The following FCGRT variants were observed in gnomAD, a reference collection of about 807,000 sequenced individuals.
FCGRT encodes IgG receptor FcRn large subunit p51.
FCGRT carries 13 observed loss-of-function variants against 35.7 expected under a neutral mutation model. The ratio of observed to expected loss-of-function variants is 0.36; its 90% CI spans 0.24 to 0.58. The LOEUF is 0.58. FCGRT is among the 20% of genes least tolerant of loss of function. The probability of loss-of-function intolerance (pLI) is 0.77; values close to 1 mark genes in which losing one functional copy is unlikely to be tolerated. For missense variants in FCGRT, 455 were observed against 474.9 expected (o/e 0.96, Z 0.39); for synonymous variants, 233 against 216.5 (o/e 1.08, Z -0.67).
chr19:49,513,814 G>T (rs2079989332), intron 2 of FCGRT, 68 bp from the exon 3 acceptor site: 4 of 1,372,280 alleles, frequency 2.9e-6, no homozygotes, highest in South Asian at 1.4e-5. Flanking sequence ...CTCCCTCCCT[G>T]GGTATCTGTC....
At chr19:49,525,823 G>A in intron 6 of FCGRT, 187 bp from the exon 7 acceptor site, 1 of 665,680 alleles carries the variant, frequency 1.5e-6, no homozygotes, top group Non-Finnish European at 2.7e-6. Flanking sequence ...GACAGACCCA[G>A]AGGAGGGAGG....
chr19:49,526,169 T>A lies in FCGRT; in HGVS notation c.*50T>A. On this transcript the variant is annotated 3_prime_UTR_variant, in exon 7 of 7. Transcript: ENST00000221466. ...AGCGAATGTAGTCAGGCCCCTTTCA[T>A]GCTGTGAGACCTCCTGGAACACTGG... 1 of 1,220,386 alleles carries A rather than the reference T, an allele frequency of 8.2e-7. No individual in the cohort carries two copies. The highest frequency in any genetic ancestry group is 1.2e-5 in the South Asian group (1 of 82,146). The allele number at this position is 1,220,386 out of a possible 1,614,324, so 75.6% of individuals were successfully genotyped here.
At chr19:49,517,583 GACTT>G (rs1187539847) in intron 4 of FCGRT, among the ~76,000 whole-genome samples, 2 of 152,038 alleles carry the variant, frequency 1.3e-5, no homozygotes, top group Non-Finnish European at 2.9e-5. Flanking sequence ...CCATCACTGA[GACTT>G]AATAATTATC....
Position 49,513,361 on chromosome 19 carries a change from GAGTCACGTGCCCCCTCCCGCCCCA to G in FCGRT, c.-14-25_-14-2del. ...GAAGGGGCGGGCCGGGGGTCGGGAG[GAGTCACGTGCCCCCTCCCGCCCCA>G]GGTCGTCCTCTCAGCATGGGGGTCC... On this transcript the variant is annotated splice_acceptor_variant and splice_polypyrimidine_tract_variant and intron_variant, in intron 1 of 6. Coordinates refer to ENST00000221466, the MANE Select transcript of FCGRT (RefSeq NM_001136019.3). LOFTEE classifies it low-confidence loss of function (5UTR_SPLICE). 9.6e-7 allele frequency: 1 copy of G among 1,036,376 alleles called. No homozygotes were observed. The allele number at this position is 1,036,376 out of a possible 1,614,324, so 64.2% of individuals were successfully genotyped here. A position where few individuals can be genotyped will look rare whatever the true frequency, so the allele number is the denominator to read the frequency against.
At chr19:49,519,444 T>C (rs981149078) in intron 4 of FCGRT, among the ~76,000 whole-genome samples, 3 of 152,162 alleles carry the variant, frequency 2.0e-5, no homozygotes, top group African/African-American at 4.8e-5. Flanking sequence ...TGATCTTGAG[T>C]GTCTTTTGAT....
chr19:49,514,264 T>G lies in FCGRT; in HGVS notation c.379T>G (p.Ser127Ala), dbSNP rs1396854985. 6.2e-7 allele frequency: 1 copy of G among 1,610,642 alleles called. No homozygotes were observed. Among genetic ancestry groups the G allele is most frequent in the Admixed American group, 1.7e-5 (1 of 59,220 alleles). Residue 127 changes from serine (S) to alanine (A), a missense_variant, in exon 4 of 7, where the codon TCG becomes GCG. Around this residue, in one of 3 missense-constraint regions of FCGRT, gnomAD observed 136 missense variants for 158.9 expected, o/e 0.86. Transcript: ENST00000221466. Reference sequence around the variant, plus strand: ...CTGTGAACTGGGCCCTGACAACACCTCGGTGCCCACCGCCAAGTTCGCCCT... The same window carrying G: ...CTGTGAACTGGGCCCTGACAACACCGCGGTGCCCACCGCCAAGTTCGCCCT... The part of the protein sequence containing the change: ...LGCELGPDNT[S>A]VPTAKFALNG...
At chr19:49,520,156 C>T (rs1202461810) in intron 4 of FCGRT, among the ~76,000 whole-genome samples, 8 of 89,314 alleles carry the variant, frequency 9.0e-5, no homozygotes, top group Non-Finnish European at 1.5e-4. Flanking sequence ...TTTGAGAGGG[C>T]GTCTCCCTCT....
intron 2 of FCGRT, 22 bp from the exon 3 acceptor site, chr19:49,513,860 T>TA (rs1204742836): frequency 1.3e-6 from 2 of 1,563,194 alleles, no homozygotes. Context: ...TGTGCTCCCT[T>TA]CAGCTCTGTT....
At position 49,514,220 on chromosome 19, in the gene FCGRT, C is replaced by T. The variant is rs753884697; in HGVS notation, c.335C>T (p.Thr112Ile). The T allele has an allele frequency of 1.2e-6, 2 of 1,610,666 alleles. No individual in the cohort carries two copies. Among genetic ancestry groups the T allele is most frequent in the South Asian group, 2.2e-5 (2 of 90,546 alleles). ...TGTTTGGGCGCCCCAGGTCCCTACA[C>T]TCTGCAGGGCCTGCTGGGCTGTGAA... Reference protein sequence around the residue: ...FKALGGKGPYTLQGLLGCELG... With the variant: ...FKALGGKGPYILQGLLGCELG... Residue 112 changes from threonine to isoleucine, a missense_variant, in exon 4 of 7, where the codon ACT becomes ATT. Thr to Ile is a moderately conservative substitution (Grantham distance 89). Transcript: ENST00000221466.
intron 6 of FCGRT, 36 bp downstream of exon 6, chr19:49,525,609 G>A (rs1218389966): frequency 1.4e-6 from 2 of 1,440,360 alleles, no homozygotes; most frequent in Non-Finnish European, 1.9e-6. Context: ...TCTGAGAGAG[G>A]GACAGAGACC....
chr19:49,514,575 C>T lies in FCGRT; in HGVS notation c.601+89C>T, dbSNP rs535952759. Reference sequence around the variant, plus strand: ...TTCCCCTGCCAGGACCCTCCATCAGCCTCCCACTGCAGCCCACGCTCTGCC... The same window carrying T: ...TTCCCCTGCCAGGACCCTCCATCAGTCTCCCACTGCAGCCCACGCTCTGCC... On this transcript the variant is annotated intron_variant, in intron 4 of 6. Transcript: ENST00000221466. 3.1e-5 allele frequency: 39 copies of T among 1,265,016 alleles called. No individual in the cohort carries two copies. In the African/African-American group the frequency reaches 5.4e-4, roughly 18 times the overall value. 78.4% of individuals were successfully genotyped at this position (1,265,016 alleles called of 1,614,324 possible). A position where few individuals can be genotyped will look rare whatever the true frequency, so the allele number is the denominator to read the frequency against.
chr19:49,525,123 C>T (rs2080066459), intron 5 of FCGRT: 1 of 525,690 alleles, frequency 1.9e-6, no homozygotes, highest in East Asian at 4.0e-5. Flanking sequence ...CCCGTCCTCA[C>T]CAAGACTGAC....
intron 4 of FCGRT, chr19:49,520,688 T>A (rs1160803078): frequency 6.6e-6 from 1 of 152,204 alleles, no homozygotes; most frequent in Non-Finnish European, 1.5e-5. Flanking sequence ...CCAGACAGAT[T>A]TTCTGTGCTT....
rs1002732077 is a variant in FCGRT at position 49,524,977 on chromosome 19, T to C, written c.871+201T>C. Reference sequence around the variant, plus strand: ...CCAACTGCCTTCCGTCTCCTGCTGCTTCTGGCCTCACTGAGTCTGAAGAGC... The same window carrying C: ...CCAACTGCCTTCCGTCTCCTGCTGCCTCTGGCCTCACTGAGTCTGAAGAGC... On this transcript the variant is annotated intron_variant, in intron 5 of 6. Transcript: ENST00000221466. 5.7e-6 allele frequency: 4 copies of C among 696,660 alleles called. No individual in the cohort carries two copies. In the African/African-American group the frequency reaches 7.0e-5, roughly 12 times the overall value. The allele number at this position is 696,660 out of a possible 1,614,324, so 43.2% of individuals were successfully genotyped here. A position where few individuals can be genotyped will look rare whatever the true frequency, so the allele number is the denominator to read the frequency against.
intron 5 of FCGRT, 180 bp downstream of exon 5, chr19:49,524,956 C>T (rs1488756306): frequency 1.4e-6 from 1 of 715,488 alleles, no homozygotes; most frequent in Non-Finnish European, 2.5e-6. Flanking sequence ...CCAAGGCCAA[C>T]TGCCTTCCGT....
At position 49,514,466 on chromosome 19, in the gene FCGRT, G is replaced by A. The variant is rs140957263; in HGVS notation, c.581G>A (p.Arg194His). Reference protein sequence around the residue: ...HRLREHLERGRGNLEWKEPPS... With the variant: ...HRLREHLERGHGNLEWKEPPS... ...CTGCGGGAGCACCTGGAGAGGGGCCGCGGAAACCTGGAGTGGAAGGGTGAG... is the reference window on the plus strand; with the variant it reads ...CTGCGGGAGCACCTGGAGAGGGGCCACGGAAACCTGGAGTGGAAGGGTGAG... Residue 194 changes from arginine (R) to histidine (H), a missense_variant, in exon 4 of 7, where the codon CGC (arginine) becomes CAC (histidine). Arg to His is a conservative substitution (Grantham distance 29). This residue lies in a region of FCGRT where 312 missense variants were observed against 296.1 expected (regional missense o/e 1.05). Coordinates refer to ENST00000221466, the MANE Select transcript of FCGRT (RefSeq NM_001136019.3). The A allele has an allele frequency of 7.7e-5, 120 of 1,555,038 alleles. No individual in the cohort carries two copies. The highest frequency in any genetic ancestry group is 9.9e-5 in the Non-Finnish European group (114 of 1,147,034).
intron 2 of FCGRT, 130 bp from the exon 3 acceptor site, chr19:49,513,740 CCCCCCCCCCGGG>C (rs2079988509): frequency 8.1e-6 from 1 of 122,708 alleles, no homozygotes; most frequent in African/African-American, 4.1e-5. Flanking sequence ...GTCTCTGTCC[CCCCCCCCCCGGG>C]TTTCTGTCCC....
Position 49,524,751 on chromosome 19 carries a change from G to C in FCGRT, c.846G>C (p.Leu282=). 6.2e-7 allele frequency: 1 copy of C among 1,600,996 alleles called. No homozygotes were observed. Among genetic ancestry groups the C allele is most frequent in the Non-Finnish European group, 8.5e-7 (1 of 1,179,830 alleles). ...HYCCIVQHAG[L]AQPLRVELES... ...GCTGCATTGTGCAGCACGCGGGGCT[G>C]GCGCAGCCCCTCAGGGTGGAGCTGG... Residue 282 remains leucine (L), a synonymous_variant, in exon 5 of 7, where the codon CTG becomes CTC. Coordinates refer to ENST00000221466, the MANE Select transcript of FCGRT (RefSeq NM_001136019.3).
rs2122658037 is a variant in FCGRT at position 49,513,132 on chromosome 19, C to T, written c.-14-255C>T. ...GGTCTGAGGGAGGAGGGGCTGGGGCCTGAGGGGGGCGGAAGGGGCGTGGCG... is the reference window on the plus strand; with the variant it reads ...GGTCTGAGGGAGGAGGGGCTGGGGCTTGAGGGGGGCGGAAGGGGCGTGGCG... On this transcript the variant is annotated intron_variant, in intron 1 of 6. Coordinates refer to ENST00000221466, the MANE Select transcript of FCGRT (RefSeq NM_001136019.3). The T allele has an allele frequency of 1.6e-5, 3 of 183,184 alleles. No individual in the cohort carries two copies. The South Asian group carries it at 1.2e-3, about 71-fold the overall frequency. 11.3% of individuals were successfully genotyped at this position (183,184 alleles called of 1,614,324 possible).
Sources: allele counts gnomAD v4.1 joint callset (sites outside exome capture counted in the v4.1 genomes callset), GRCh38; gene constraint gnomAD v4.1.1; regional missense constraint gnomAD v4.1.1; transcripts MANE v1.5; gene names NCBI Gene and HGNC (gene_info 2026-07-23, HGNC 2026-07-21).